PHF20: variants seen among roughly 807,000 people sequenced by gnomAD.
PHF20 encodes the protein glioma-expressed antigen 2.
Under a neutral mutation model 113.5 loss-of-function variants are expected in PHF20, and 23 were observed. The observed-to-expected ratio is 0.20, with a 90% CI of 0.15 to 0.29. The LOEUF is 0.29. Among genes scored for constraint, PHF20 ranks in the 10% least tolerant of loss-of-function variants. The pLI, the probability that PHF20 is intolerant of heterozygous loss-of-function variation, is 1.00. For missense variants in PHF20, 943 were observed against 1,219.6 expected (o/e 0.77, Z 3.38); for synonymous variants, 434 against 457.3 (o/e 0.95, Z 0.65).
At chr20:35,862,865 T>C in intron 5 of PHF20, 148 bp from the exon 6 acceptor site, 1 of 664,064 alleles carries the variant, frequency 1.5e-6, no homozygotes, top group South Asian at 2.3e-5. Context: ...TCAGTACAGG[T>C]GGCTGTTGTC....
chr20:35,775,161 G>A (rs2146820305), intron 1 of PHF20: 1 of 152,172 alleles, frequency 6.6e-6, no homozygotes, highest in Middle Eastern at 3.4e-3. Flanking sequence ...AAACTTGAAT[G>A]TGCATGTAAG....
chr20:35,898,343 CG>C (rs2055029669), intron 9 of PHF20, among the ~76,000 whole-genome samples: 1 of 152,210 alleles, frequency 6.6e-6, no homozygotes, highest in Non-Finnish European at 1.5e-5. Context: ...TCCCTATTTC[CG>C]TCCACACAGA....
chr20:35,940,163 C>T (rs2055949240), intron 16 of PHF20, among the ~76,000 whole-genome samples: 1 of 152,092 alleles, frequency 6.6e-6, no homozygotes, highest in African/African-American at 2.4e-5. Flanking sequence ...TAAATATTGG[C>T]TAGAATCTAT....
chr20:35,813,906 T>G (rs1242119829), intron 2 of PHF20, among the ~76,000 whole-genome samples: 1 of 114,820 alleles, frequency 8.7e-6, no homozygotes, highest in Non-Finnish European at 1.6e-5. Context: ...CACTCCAGCC[T>G]GGGTGACAGA....
intron 2 of PHF20, among the ~76,000 whole-genome samples, chr20:35,834,247 G>GTTTT (rs769738682): frequency 8.1e-5 from 9 of 111,108 alleles, no homozygotes; most frequent in African/African-American, 1.4e-4. Flanking sequence ...TACAGCTATG[G>GTTTT]TTTTTTTTTT....
At chr20:35,872,005 T>A (rs901757500) in intron 9 of PHF20, 176 bp downstream of exon 9, 20 of 455,378 alleles carry the variant, frequency 4.4e-5, no homozygotes, top group Non-Finnish European at 7.6e-5. Context: ...GTGTTCCCTC[T>A]CTTAGTATGA....
intron 2 of PHF20, among the ~76,000 whole-genome samples, chr20:35,804,878 A>AT (rs899537448): frequency 6.6e-6 from 1 of 151,866 alleles, no homozygotes; most frequent in African/African-American, 2.4e-5. Context: ...ATAAAAATTT[A>AT]TTTTTATTTT....
At chr20:35,904,277 ATTTTTTT>A (rs34412788) in intron 10 of PHF20, among the ~76,000 whole-genome samples, 141 of 98,918 alleles carry the variant, frequency 1.4e-3, no homozygotes, top group African/African-American at 5.2e-3. Flanking sequence ...GAATGCTCTG[ATTTTTTT>A]TTTTTTTTTT....
At chr20:35,947,133 A>G (rs1314116025) in intron 17 of PHF20, among the ~76,000 whole-genome samples, 1 of 152,210 alleles carries the variant, frequency 6.6e-6, no homozygotes, top group African/African-American at 2.4e-5. Flanking sequence ...TAAAATTTAA[A>G]ATTCAGTTCC....
At position 35,950,084 on chromosome 20, in the gene PHF20, A is replaced by G. The variant is rs568229897; in HGVS notation, c.*2457A>G. 13 of 152,772 alleles carry G rather than the reference A, an allele frequency of 8.5e-5. No homozygotes were observed. Among genetic ancestry groups the G allele is most frequent in the African/African-American group, 3.1e-4 (13 of 41,584 alleles). 9.5% of individuals were successfully genotyped at this position (152,772 alleles called of 1,614,324 possible). The stretch of plus-strand genomic sequence containing the variant: ...AATAAAAATAAAAGAAAAGAAAGAA[A>G]TATGTGCACTACCTAAGTTTTGTCT... On this transcript the variant is annotated 3_prime_UTR_variant, in exon 18 of 18. Coordinates refer to ENST00000374012, the MANE Select transcript of PHF20 (RefSeq NM_016436.5).
At chr20:35,916,852 C>T (rs1239065094) in intron 12 of PHF20, among the ~76,000 whole-genome samples, 2 of 152,170 alleles carry the variant, frequency 1.3e-5, no homozygotes, top group African/African-American at 2.4e-5. Context: ...GCCTCAAACT[C>T]GCAGGCTCAA....
intron 1 of PHF20, among the ~76,000 whole-genome samples, chr20:35,783,418 C>CT (rs530366499): frequency 2.3e-4 from 34 of 146,804 alleles, no homozygotes; most frequent in Admixed American, 4.1e-4. Context: ...AAGACTCTTA[C>CT]TTTTTTTTTT....
At chr20:35,803,878 A>G (rs944804458) in intron 2 of PHF20, among the ~76,000 whole-genome samples, 4 of 151,512 alleles carry the variant, frequency 2.6e-5, no homozygotes, top group African/African-American at 7.3e-5. Flanking sequence ...CCCCTGATAT[A>G]GGGTCTTACT....
intron 1 of PHF20, among the ~76,000 whole-genome samples, chr20:35,792,246 G>A (rs1250402776): frequency 6.6e-6 from 1 of 151,980 alleles, no homozygotes; most frequent in Non-Finnish European, 1.5e-5. Flanking sequence ...GGAGTGCAGT[G>A]GCTCGATCTT....
chr20:35,880,375 G>A (rs2054606457), intron 9 of PHF20, among the ~76,000 whole-genome samples: 1 of 152,156 alleles, frequency 6.6e-6, no homozygotes, highest in African/African-American at 2.4e-5. Context: ...TTAAGGTGGG[G>A]TAAGTTGCTG....
intron 2 of PHF20, among the ~76,000 whole-genome samples, chr20:35,825,772 G>C (rs754530520): frequency 9.9e-5 from 15 of 152,128 alleles, no homozygotes; most frequent in Non-Finnish European, 2.1e-4. Context: ...TCTTGCCTCA[G>C]CCTCCTGTGT....
At position 35,863,020 on chromosome 20, in the gene PHF20, T is replaced by C; in HGVS notation, c.428T>C (p.Val143Ala). The part of the protein sequence containing the change: ...VKAFSKDQNI[V>A]GNARPKETDH... ...CTATTTTGCTCATTTTAGAATATTG[T>C]GGGTAATGCTAGGCCTAAAGAAACA... The change falls in exon 6 of 18, where the codon GTG becomes GCG. Residue 143 changes from valine (V) to alanine (A), a missense_variant. Coordinates refer to ENST00000374012, the MANE Select transcript of PHF20 (RefSeq NM_016436.5). 1 of 1,565,918 alleles carries C rather than the reference T, an allele frequency of 6.4e-7. No individual in the cohort carries two copies. Among genetic ancestry groups the C allele is most frequent in the Non-Finnish European group, 8.6e-7 (1 of 1,162,682 alleles).
At chr20:35,806,028 CTA>C (rs1285466214) in intron 2 of PHF20, among the ~76,000 whole-genome samples, 3 of 151,868 alleles carry the variant, frequency 2.0e-5, no homozygotes, top group Admixed American at 6.6e-5. Context: ...CCACACCCAG[CTA>C]ATTTTTGTAT....
chr20:35,900,267 G>A (rs941461119), intron 10 of PHF20, among the ~76,000 whole-genome samples: 8 of 152,126 alleles, frequency 5.3e-5, no homozygotes, highest in African/African-American at 1.7e-4. Context: ...AAGAATTAAT[G>A]GATTTCCAAT....
Sources: gnomAD v4.1 joint callset for allele counts (sites outside exome capture counted in the v4.1 genomes callset) on GRCh38, gnomAD v4.1.1 for gene constraint, MANE v1.5 for transcripts, NCBI Gene and HGNC (gene_info 2026-07-23, HGNC 2026-07-21) for gene names.